Variants in DPYSL5 observed in about 807,000 individuals in gnomAD.
DPYSL5 encodes the protein dihydropyrimidinase like 5.
DPYSL5 carries 9 observed loss-of-function variants against 58.4 expected under a neutral mutation model. The observed-to-expected ratio is 0.15, with a 90% CI of 0.09 to 0.27. The LOEUF is 0.27. DPYSL5 is among the 10% of genes least tolerant of loss of function. The pLI is 1.00. For synonymous variants in DPYSL5, 293 were observed against 301.9 expected, an observed-to-expected ratio of 0.97 and a Z score of 0.31; for missense variants, 499 against 770.6, an observed-to-expected ratio of 0.65 and a Z score of 4.17.
At chr2:26,904,249 T>C (rs1664235339) in intron 2 of DPYSL5, among the ~76,000 whole-genome samples, 1 of 152,220 alleles carries the variant, frequency 6.6e-6, no homozygotes, top group African/African-American at 2.4e-5. Context: ...TAAATTCCTT[T>C]TGGTGCCCAG....
At chr2:26,916,190 A>C (rs1488327947) in intron 2 of DPYSL5, among the ~76,000 whole-genome samples, 1 of 152,164 alleles carries the variant, frequency 6.6e-6, no homozygotes, top group Admixed American at 6.5e-5. Context: ...CTTCCAAGAA[A>C]CATGAATCAC....
At chr2:26,908,251 C>A (rs1664349663) in intron 2 of DPYSL5, among the ~76,000 whole-genome samples, 1 of 152,160 alleles carries the variant, frequency 6.6e-6, no homozygotes. Flanking sequence ...ACTGAAAGAA[C>A]TGGATTTCAT....
rs1665533697 is a variant in DPYSL5, at chr2:26,948,056, CCT to C, written c.*1062_*1063del. 6.6e-6 allele frequency: 1 copy of C among 151,448 alleles called. No individual in the cohort carries two copies. Among genetic ancestry groups the C allele is most frequent in the Non-Finnish European group, 1.4e-5 (1 of 70,422 alleles). The allele number at this position is 151,448 out of a possible 1,614,324, so 9.4% of individuals were successfully genotyped here. A position where few individuals can be genotyped will look rare whatever the true frequency, so the allele number is the denominator to read the frequency against. On this transcript the variant is annotated 3_prime_UTR_variant, in exon 13 of 13. Transcript: ENST00000288699. ...ACTCCCAGCACTCCCCTTGCCTTCC[CCT>C]GTCTTCACCTGCCACCACACACACA...
intron 1 of DPYSL5, among the ~76,000 whole-genome samples, chr2:26,864,715 G>C (rs1369416055): frequency 6.6e-6 from 1 of 152,222 alleles, no homozygotes; most frequent in Non-Finnish European, 1.5e-5. Context: ...TGAGTGTGAA[G>C]CTGCAGGAAG....
At position 26,942,243 on chromosome 2, in the gene DPYSL5, C is replaced by A; in HGVS notation, c.1232+151C>A. On this transcript the variant is annotated intron_variant, in intron 10 of 12. Coordinates refer to ENST00000288699, the MANE Select transcript of DPYSL5 (RefSeq NM_020134.4). This position sits in a 1 kb window ranked among gnomAD's most constrained non-coding sequence, Gnocchi z 5.9. ...GTTGGCCATCTTCTCCCTCCATCTTCACACAGTCTTTCTTCCGTGTCACAC... is the reference window on the plus strand; with the variant it reads ...GTTGGCCATCTTCTCCCTCCATCTTAACACAGTCTTTCTTCCGTGTCACAC... The A allele has an allele frequency of 8.4e-7, 1 of 1,190,568 alleles. No individual in the cohort carries two copies. The highest frequency in any genetic ancestry group is 1.2e-6 in the Non-Finnish European group (1 of 854,618). The allele number at this position is 1,190,568 out of a possible 1,614,324, so 73.8% of individuals were successfully genotyped here.
intron 2 of DPYSL5, among the ~76,000 whole-genome samples, chr2:26,916,825 A>G (rs557321844): frequency 3.0e-4 from 45 of 152,226 alleles, no homozygotes; most frequent in African/African-American, 1.0e-3. Flanking sequence ...TTCTGTTAAA[A>G]CTGAACTTTT....
chr2:26,913,075 A>G (rs954220844), intron 2 of DPYSL5, among the ~76,000 whole-genome samples: 4 of 152,220 alleles, frequency 2.6e-5, no homozygotes, highest in Admixed American at 6.5e-5. Flanking sequence ...AAAAGTATTT[A>G]TTGTGTAAAC....
intron 1 of DPYSL5, among the ~76,000 whole-genome samples, chr2:26,872,115 G>C (rs1005112117): frequency 1.3e-5 from 2 of 152,170 alleles, no homozygotes; most frequent in African/African-American, 4.8e-5. Flanking sequence ...GTCCGGGCAC[G>C]TGTACCTCCT....
chr2:26,930,211 G>T (rs1408955085), intron 5 of DPYSL5, among the ~76,000 whole-genome samples: 6 of 136,640 alleles, frequency 4.4e-5, no homozygotes, highest in African/African-American at 1.6e-4. Context: ...CAGAGGGTAT[G>T]CCTGTGAGAA....
intron 2 of DPYSL5, among the ~76,000 whole-genome samples, chr2:26,910,208 T>A (rs919186770): frequency 6.6e-6 from 1 of 152,260 alleles, no homozygotes; most frequent in Non-Finnish European, 1.5e-5. Context: ...ATACATATAT[T>A]TGTGTGGACA....
At chr2:26,869,992 CA>C (rs553587441) in intron 1 of DPYSL5, among the ~76,000 whole-genome samples, 54 of 152,334 alleles carry the variant, frequency 3.5e-4, no homozygotes, top group East Asian at 7.7e-4. Context: ...GCCTGGGTGA[CA>C]GAGCAAGACT....
chr2:26,897,159 T>A (rs1019415608), intron 1 of DPYSL5, among the ~76,000 whole-genome samples: 1 of 152,226 alleles, frequency 6.6e-6, no homozygotes, highest in Non-Finnish European at 1.5e-5. Context: ...ATATGCTGTT[T>A]ATTTCATTTT....
intron 5 of DPYSL5, among the ~76,000 whole-genome samples, chr2:26,929,060 C>T (rs2148162221): frequency 6.6e-6 from 1 of 152,094 alleles, no homozygotes. Flanking sequence ...GAGCAGCGGG[C>T]CAGCTGAGAG....
In DPYSL5 at chr2:26,849,428, C is replaced by T. The variant is rs2148098110; in HGVS notation, c.-5+1174C>T. Among the ~76,000 whole-genome samples, 1 of 152,050 alleles carries T rather than the reference C, an allele frequency of 6.6e-6. No homozygotes were observed. The highest frequency in any genetic ancestry group is 2.4e-5 in the African/African-American group (1 of 41,512). On this transcript the variant is annotated intron_variant, in intron 1 of 12. Coordinates refer to ENST00000288699, the MANE Select transcript of DPYSL5 (RefSeq NM_020134.4). The surrounding 1 kb of genome is among the most constrained non-coding windows in gnomAD (Gnocchi z 6.2). ...CGCGGGGCCCCGCGGCCCAGGTGGC[C>T]GGCTGGGCGTGGCCCTCGGACCGGG...
At position 26,905,879 on chromosome 2, in the gene DPYSL5, G is replaced by T. The variant is rs558910070; in HGVS notation, c.261+7119G>T. 2.0e-5 allele frequency among the ~76,000 whole-genome samples: 3 copies of T among 152,288 alleles called. No homozygotes were observed. The South Asian group carries it at 6.2e-4, about 32-fold the overall frequency. On this transcript the variant is annotated intron_variant, in intron 2 of 12. Transcript: ENST00000288699. This position sits in a 1 kb window ranked among gnomAD's most constrained non-coding sequence, Gnocchi z 4.0. ...TAGAAATCTGGGCACAGCATGACTA[G>T]GTCTTCGGCTCAGAGCCTCGCAAGC... is the stretch of plus-strand genomic sequence containing the variant.
At chr2:26,930,443 G>A (rs535208740) in intron 5 of DPYSL5, among the ~76,000 whole-genome samples, 1 of 152,206 alleles carries the variant, frequency 6.6e-6, no homozygotes, top group African/African-American at 2.4e-5. Context: ...AACCTGGGGG[G>A]CAGGGCGGAT....
chr2:26,906,407 C>T (rs529645422), intron 2 of DPYSL5, among the ~76,000 whole-genome samples: 74 of 152,244 alleles, frequency 4.9e-4, no homozygotes, highest in Middle Eastern at 3.4e-3. Flanking sequence ...TGGTCTCTAT[C>T]TCTTGACCTC....
At chr2:26,879,346 C>A (rs938884390) in intron 1 of DPYSL5, among the ~76,000 whole-genome samples, 45 of 151,300 alleles carry the variant, frequency 3.0e-4, no homozygotes, top group African/African-American at 1.0e-3. Flanking sequence ...TAGCCCAGTG[C>A]ATGGTGGCTC....
intron 1 of DPYSL5, among the ~76,000 whole-genome samples, chr2:26,861,861 C>T (rs911428901): frequency 6.6e-6 from 1 of 152,158 alleles, no homozygotes; most frequent in African/African-American, 2.4e-5. Flanking sequence ...ATGGGAATGT[C>T]CTTTCCCTTA....
Sources: allele counts gnomAD v4.1 joint callset (sites outside exome capture counted in the v4.1 genomes callset), GRCh38; gene constraint gnomAD v4.1.1; non-coding constraint Gnocchi (gnomAD v3.1); transcripts MANE v1.5; gene names NCBI Gene and HGNC (gene_info 2026-07-23, HGNC 2026-07-21).